TENM4: variants seen among roughly 807,000 people sequenced by gnomAD.
The protein encoded by TENM4 is teneurin transmembrane protein 4, also known as teneurin-4.
In TENM4, 82 loss-of-function variants were observed where a neutral mutation model predicts 243.3. The observed-to-expected ratio is 0.34, with a 90% CI of 0.28 to 0.40. The LOEUF is 0.40. TENM4 is among the 10% of genes least tolerant of loss of function. TENM4 has a pLI of 1.00. For synonymous variants in TENM4, 1,412 were observed against 1,456.3 expected, an observed-to-expected ratio of 0.97 and a Z score of 0.69; for missense variants, 3,138 against 3,673.3, an observed-to-expected ratio of 0.85 and a Z score of 3.77.
At chr11:79,229,529 C>A (rs1223453726) in intron 2 of TENM4, among the ~76,000 whole-genome samples, 1 of 152,198 alleles carries the variant, frequency 6.6e-6, no homozygotes, top group African/African-American at 2.4e-5. Context: ...AAATCCTCCT[C>A]TTGGGAGCCT....
intron 4 of TENM4, among the ~76,000 whole-genome samples, chr11:79,094,487 A>G (rs1861031896): frequency 6.6e-6 from 1 of 152,120 alleles, no homozygotes; most frequent in Non-Finnish European, 1.5e-5. Flanking sequence ...CCTCTTTTCC[A>G]GGATGTCAGG....
At chr11:79,035,302 C>T (rs1412783634) in intron 6 of TENM4, among the ~76,000 whole-genome samples, 1 of 152,164 alleles carries the variant, frequency 6.6e-6, no homozygotes, top group Non-Finnish European at 1.5e-5. Context: ...AGAAATAACA[C>T]CCCCTGTATC....
chr11:79,206,769 G>A lies in TENM4; in HGVS notation c.-163+9039C>T, dbSNP rs138935714. ...ATGATTCTGAGGCCTCCCCAGCTAT[G>A]TGGAACAATTAAATCTCTTCTTGTT... On this transcript the variant is annotated intron_variant, in intron 3 of 33. Transcript: ENST00000278550. 6.5e-3 allele frequency among the ~76,000 whole-genome samples: 985 copies of A among 152,274 alleles called. 11 individuals are homozygous for A. Among genetic ancestry groups the A allele is most frequent in the African/African-American group, 0.022 (926 of 41,550 alleles).
Position 79,069,864 on chromosome 11 carries a change from C to G in TENM4, c.81G>C (p.Ala27=). 2 of 1,550,118 alleles carry G rather than the reference C, an allele frequency of 1.3e-6. No individual in the cohort carries two copies. The highest frequency in any genetic ancestry group is 1.4e-5 in the African/African-American group (1 of 73,176). ...GCGGGGCTTTGCCCTCCTCGCTGTC[C>G]GCGGACGAGCTGGTGTAGCGGCGCT... ...DAERRYTSSS[A]DSEEGKAPQK... The change falls in exon 5 of 34, where the codon GCG becomes GCC. Residue 27 remains alanine (A), a synonymous_variant. Coordinates refer to ENST00000278550, the MANE Select transcript of TENM4 (RefSeq NM_001098816.3).
intron 6 of TENM4, among the ~76,000 whole-genome samples, chr11:78,959,148 C>A (rs185709402): frequency 8.0e-4 from 122 of 152,256 alleles, no homozygotes; most frequent in African/African-American, 2.8e-3. Flanking sequence ...TTCATTCACT[C>A]ACTCATTCAA....
intron 11 of TENM4, among the ~76,000 whole-genome samples, chr11:78,854,564 G>A (rs1025951004): frequency 2.2e-5 from 3 of 136,702 alleles, no homozygotes; most frequent in Non-Finnish European, 3.1e-5. Context: ...GTCTCATTTT[G>A]TTTTAGTTCT....
At chr11:79,070,755 G>A (rs762120675) in intron 4 of TENM4, among the ~76,000 whole-genome samples, 2 of 152,100 alleles carry the variant, frequency 1.3e-5, no homozygotes, top group Admixed American at 6.5e-5. Flanking sequence ...ACTGAGACTC[G>A]GAACCCCCTT....
intron 2 of TENM4, among the ~76,000 whole-genome samples, chr11:79,279,388 A>G (rs962091737): frequency 6.6e-6 from 1 of 152,192 alleles, no homozygotes; most frequent in Non-Finnish European, 1.5e-5. Context: ...GAGGAAGTGT[A>G]AACTTTCTCA....
chr11:79,306,904 A>T (rs995836503), intron 1 of TENM4, among the ~76,000 whole-genome samples: 1 of 152,152 alleles, frequency 6.6e-6, no homozygotes, highest in African/African-American at 2.4e-5. Flanking sequence ...ACAGCCAAGA[A>T]AACCTAGACT....
intron 1 of TENM4, among the ~76,000 whole-genome samples, chr11:79,365,359 C>A (rs1857658945): frequency 6.6e-6 from 1 of 152,082 alleles, no homozygotes; most frequent in African/African-American, 2.4e-5. Flanking sequence ...AATCAGACAG[C>A]CGAAAAGCTC....
chr11:78,926,161 A>G (rs1233444852), intron 6 of TENM4, among the ~76,000 whole-genome samples: 1 of 152,152 alleles, frequency 6.6e-6, no homozygotes, highest in Non-Finnish European at 1.5e-5. Flanking sequence ...CAGTACATGC[A>G]TGTTATTTAG....
chr11:79,180,698 G>C (rs775098589), intron 3 of TENM4, among the ~76,000 whole-genome samples: 37 of 151,374 alleles, frequency 2.4e-4, no homozygotes, highest in Admixed American at 4.0e-4. Context: ...AATAAGACTG[G>C]CTGGGCATAG....
Position 79,244,439 on chromosome 11 carries a change from A to ATGTG in TENM4, c.-264-28534_-264-28531dup, listed in dbSNP as rs10538527. Among the ~76,000 whole-genome samples the ATGTG allele has an allele frequency of 1.5e-4, 22 of 149,798 alleles. No homozygotes were observed. In the East Asian group the frequency reaches 2.8e-3, roughly 19 times the overall value. ...AGGAGGGACAGGGCTGTATGTGTCT[A>ATGTG]TGTGTGTGTGTGTGTGTGTGTCTGT... On this transcript the variant is annotated intron_variant, in intron 2 of 33. Transcript: ENST00000278550.
intron 3 of TENM4, among the ~76,000 whole-genome samples, chr11:79,159,233 A>T (rs948523647): frequency 9.2e-5 from 14 of 152,058 alleles, no homozygotes; most frequent in Non-Finnish European, 1.8e-4. Flanking sequence ...CTTTGCTGTT[A>T]TATCTTATCT....
chr11:79,374,002 G>C (rs956559454), intron 1 of TENM4, among the ~76,000 whole-genome samples: 12 of 152,156 alleles, frequency 7.9e-5, no homozygotes, highest in African/African-American at 2.9e-4. Flanking sequence ...GTAGGAGAGG[G>C]GGGCATGCAG....
At chr11:79,175,890 G>A (rs2135126883) in intron 3 of TENM4, among the ~76,000 whole-genome samples, 1 of 152,178 alleles carries the variant, frequency 6.6e-6, no homozygotes, top group Non-Finnish European at 1.5e-5. Context: ...TTTGAGACCA[G>A]CCTGGGCAAC....
intron 25 of TENM4, among the ~76,000 whole-genome samples, chr11:78,714,013 G>A (rs1469101731): frequency 2.6e-5 from 4 of 152,108 alleles, no homozygotes; most frequent in African/African-American, 9.7e-5. Context: ...TGTTTGGACC[G>A]GATGGTCTGG....
At chr11:79,002,056 A>C (rs569069735) in intron 6 of TENM4, among the ~76,000 whole-genome samples, 48 of 150,872 alleles carry the variant, frequency 3.2e-4, no homozygotes, top group African/African-American at 1.0e-3. Context: ...GTGCAAGCAT[A>C]CCCCACTGCA....
At chr11:79,427,188 G>T (rs1859070658) in intron 1 of TENM4, among the ~76,000 whole-genome samples, 1 of 152,170 alleles carries the variant, frequency 6.6e-6, no homozygotes, top group Non-Finnish European at 1.5e-5. Flanking sequence ...CCTGGTCTTG[G>T]TTCCATGCTT....
Sources: gnomAD v4.1 joint callset for allele counts (sites outside exome capture counted in the v4.1 genomes callset) on GRCh38, gnomAD v4.1.1 for gene constraint, MANE v1.5 for transcripts, NCBI Gene and HGNC (gene_info 2026-07-23, HGNC 2026-07-21) for gene names.